TP53BP2: variants seen among roughly 807,000 people sequenced by gnomAD.
The protein encoded by TP53BP2 is tumor protein p53 binding protein 2, also known as apoptosis-stimulating of p53 protein 2.
Under a neutral mutation model 126.2 loss-of-function variants are expected in TP53BP2, and 62 were observed. That is an observed-to-expected ratio of 0.49 (90% confidence interval 0.40 to 0.61). The LOEUF (loss-of-function observed/expected upper bound fraction) is 0.61, where lower values mean the gene tolerates loss of function less well. TP53BP2 is among the 20% of genes least tolerant of loss of function. The probability of loss-of-function intolerance (pLI) is 0.00; values close to 1 mark genes in which losing one functional copy is unlikely to be tolerated. For missense variants in TP53BP2, 1,215 were observed against 1,402.8 expected (o/e 0.87, Z 2.14); for synonymous variants, 485 against 502.9 (o/e 0.96, Z 0.48).
At chr1:223,827,471 G>C (rs1663540639) in intron 1 of TP53BP2, among the ~76,000 whole-genome samples, 1 of 152,196 alleles carries the variant, frequency 6.6e-6, no homozygotes, top group Non-Finnish European at 1.5e-5. Flanking sequence ...ATAAGGGCCT[G>C]GCTGGAACAG....
At chr1:223,797,780 A>G (rs564519785) in intron 12 of TP53BP2, among the ~76,000 whole-genome samples, 2 of 151,324 alleles carry the variant, frequency 1.3e-5, no homozygotes, top group South Asian at 4.2e-4. Context: ...TATGTGTGTG[A>G]TGTGTGTGTG....
chr1:223,797,621 G>A (rs1054654610), intron 12 of TP53BP2, among the ~76,000 whole-genome samples: 1 of 152,004 alleles, frequency 6.6e-6, no homozygotes, highest in Non-Finnish European at 1.5e-5. Flanking sequence ...ATGTTGGTCA[G>A]GCTGGTCTCG....
At chr1:223,801,874 T>A (rs1381989912) in intron 9 of TP53BP2, 1 of 321,846 alleles carries the variant, frequency 3.1e-6, no homozygotes, top group Admixed American at 4.6e-5. Flanking sequence ...TTTATAAAGA[T>A]ATTATATTTT....
intron 14 of TP53BP2, among the ~76,000 whole-genome samples, chr1:223,793,037 G>A (rs562320407): frequency 4.6e-5 from 7 of 152,172 alleles, no homozygotes; most frequent in African/African-American, 1.2e-4. Context: ...AGTGAAAACC[G>A]AACTTCCAAA....
chr1:223,802,776 C>A lies in TP53BP2; in HGVS notation c.951G>T (p.Arg317=), dbSNP rs1318639156. 1 of 1,614,158 alleles carries A rather than the reference C, an allele frequency of 6.2e-7. No individual in the cohort carries two copies. Among genetic ancestry groups the A allele is most frequent in the Admixed American group, 1.7e-5 (1 of 60,030 alleles). Residue 317 remains arginine (R), a synonymous_variant, in exon 8 of 18, where the codon CGG becomes CGT. Transcript: ENST00000343537. ...GTAGAGCTGCCTTCTTCTTCCACAGCCGGTCCCTCAGCTCATTAACACGCT... is the reference window on the plus strand; with the variant it reads ...GTAGAGCTGCCTTCTTCTTCCACAGACGGTCCCTCAGCTCATTAACACGCT... ...MDKRVNELRD[R]LWKKKAALQQ...
At chr1:223,799,091 G>A (rs959149055) in intron 11 of TP53BP2, among the ~76,000 whole-genome samples, 1 of 152,062 alleles carries the variant, frequency 6.6e-6, no homozygotes, top group Non-Finnish European at 1.5e-5. Flanking sequence ...ATCTATATAA[G>A]CTCATATTTT....
intron 4 of TP53BP2, among the ~76,000 whole-genome samples, chr1:223,807,679 T>C (rs1004847460): frequency 6.6e-5 from 10 of 152,030 alleles, no homozygotes; most frequent in Admixed American, 6.6e-4. Flanking sequence ...ATTAGAAATT[T>C]AAAATTTTTA....
At chr1:223,789,199 G>T in intron 15 of TP53BP2, 25 bp from the exon 16 acceptor site, 1 of 1,612,026 alleles carries the variant, frequency 6.2e-7, no homozygotes, top group Non-Finnish European at 8.5e-7. Flanking sequence ...ACGAGGGCTA[G>T]AACTGTTTTC....
chr1:223,785,740 G>A (rs942151993), intron 16 of TP53BP2, among the ~76,000 whole-genome samples: 3 of 152,174 alleles, frequency 2.0e-5, no homozygotes, highest in Admixed American at 2.0e-4. Flanking sequence ...CTATTTATCA[G>A]ATTAAGAGTT....
chr1:223,784,753 A>G (rs922219787), intron 16 of TP53BP2, among the ~76,000 whole-genome samples: 2 of 152,224 alleles, frequency 1.3e-5, no homozygotes, highest in Admixed American at 1.3e-4. Context: ...CAAAATTCAG[A>G]GCAGACAGAG....
chr1:223,806,154 A>G (rs1039689037), intron 5 of TP53BP2, among the ~76,000 whole-genome samples: 6 of 152,192 alleles, frequency 3.9e-5, no homozygotes, highest in African/African-American at 1.4e-4. Context: ...GATTAATCTG[A>G]TCCAAGATTA....
intron 1 of TP53BP2, among the ~76,000 whole-genome samples, chr1:223,835,356 A>G (rs747880002): frequency 4.1e-4 from 63 of 152,250 alleles, no homozygotes; most frequent in Non-Finnish European, 7.3e-4. Context: ...CTCTGCTTCA[A>G]TATCTGTCAT....
intron 12 of TP53BP2, among the ~76,000 whole-genome samples, chr1:223,797,999 C>A (rs1392035000): frequency 6.6e-6 from 1 of 152,110 alleles, no homozygotes; most frequent in Non-Finnish European, 1.5e-5. Context: ...AGACTTGAGA[C>A]CACACTTTAT....
Position 223,780,149 on chromosome 1 carries a change from G to A in TP53BP2, c.*704C>T, listed in dbSNP as rs796803641. 1.7e-4 allele frequency: 26 copies of A among 152,270 alleles called. No individual in the cohort carries two copies. The highest frequency in any genetic ancestry group is 4.6e-4 in the African/African-American group (19 of 41,558). 9.4% of individuals were successfully genotyped at this position (152,270 alleles called of 1,614,324 possible). ...CAGCTATGATCTTGACAAATATTAC[G>A]GGTAAGTCTGTAGCAAGTTTCTAAT... On this transcript the variant is annotated 3_prime_UTR_variant, in exon 18 of 18. Transcript: ENST00000343537.
At chr1:223,818,459 G>C (rs1260017775) in intron 2 of TP53BP2, 1 of 142,712 alleles carries the variant, frequency 7.0e-6, no homozygotes, top group South Asian at 2.2e-4. Flanking sequence ...GGCCAAGATC[G>C]CACCACTGCA....
At chr1:223,809,722 TC>T (rs766298365) in intron 4 of TP53BP2, among the ~76,000 whole-genome samples, 27 of 152,278 alleles carry the variant, frequency 1.8e-4, no homozygotes, top group East Asian at 1.4e-3. Flanking sequence ...GTTTAGCTAA[TC>T]CCTAATGGCA....
rs1662417187 is a variant in TP53BP2, at chr1:223,798,546, C to G, written c.1617G>C (p.Leu539Phe). The stretch of plus-strand genomic sequence containing the variant: ...TTCCCATGGACGGAACAACTGTTGA[C>G]AACTGCTGAGAACTTCCGTCTGGCT... ...DIKPDGSSQQ[L>F]STVVPSMGTK... The change falls in exon 12 of 18, where the codon TTG becomes TTC. Residue 539 changes from leucine (L) to phenylalanine (F), a missense_variant. Physicochemically the swap from Leu to Phe is conservative, Grantham distance 22 (BLOSUM62 0). Coordinates refer to ENST00000343537, the MANE Select transcript of TP53BP2 (RefSeq NM_001031685.3). 6.2e-7 allele frequency: 1 copy of G among 1,614,078 alleles called. No individual in the cohort carries two copies. Among genetic ancestry groups the G allele is most frequent in the Admixed American group, 1.7e-5 (1 of 60,006 alleles).
At chr1:223,784,414 C>G in intron 16 of TP53BP2, 100 bp from the exon 17 acceptor site, 1 of 1,099,558 alleles carries the variant, frequency 9.1e-7, no homozygotes, top group Non-Finnish European at 1.4e-6. Context: ...GAAACAGGTA[C>G]AGGCTGGAAT....
intron 3 of TP53BP2, among the ~76,000 whole-genome samples, chr1:223,810,987 AG>A (rs1198636279): frequency 2.0e-5 from 3 of 152,210 alleles, no homozygotes; most frequent in Admixed American, 1.3e-4. Context: ...ACTTAAAAAA[AG>A]GAACAAGTAG....
Sources: gnomAD v4.1 joint callset for allele counts (sites outside exome capture counted in the v4.1 genomes callset) on GRCh38, gnomAD v4.1.1 for gene constraint, MANE v1.5 for transcripts, NCBI Gene and HGNC (gene_info 2026-07-23, HGNC 2026-07-21) for gene names.